NRG3: variants seen among roughly 807,000 people sequenced by gnomAD.
NRG3 encodes neuregulin 3.
NRG3 carries 31 observed loss-of-function variants against 66.9 expected under a neutral mutation model. That is an observed-to-expected ratio of 0.46 (90% CI 0.35 to 0.63). The LOEUF (loss-of-function observed/expected upper bound fraction) is 0.63. Among genes scored for constraint, NRG3 ranks in the 20% least tolerant of loss-of-function variants. NRG3 has a pLI of 0.00. For synonymous variants in NRG3, 393 were observed against 359.4 expected (o/e 1.09, Z -1.06); for missense variants, 910 against 878.9 (o/e 1.04, Z -0.45).
chr10:82,982,951 A>G (rs1853076064), intron 8 of NRG3, among the ~76,000 whole-genome samples: 1 of 152,338 alleles, frequency 6.6e-6, no homozygotes, highest in Admixed American at 6.5e-5. Context: ...GTCCTCTGGC[A>G]TATGAGAAGA....
At chr10:82,667,577 G>A (rs1014022190) in intron 2 of NRG3, among the ~76,000 whole-genome samples, 5 of 152,072 alleles carry the variant, frequency 3.3e-5, no homozygotes, top group South Asian at 2.1e-4. Flanking sequence ...AGATAATGAC[G>A]AAAGGAGAGG....
chr10:82,667,074 C>A (rs544203122), intron 2 of NRG3, among the ~76,000 whole-genome samples: 1 of 152,134 alleles, frequency 6.6e-6, no homozygotes, highest in Non-Finnish European at 1.5e-5. Flanking sequence ...CACAGCAGAG[C>A]GCCCCTGCCT....
intron 1 of NRG3, among the ~76,000 whole-genome samples, chr10:82,206,974 G>A (rs1406068310): frequency 2.0e-5 from 3 of 152,194 alleles, no homozygotes; most frequent in Admixed American, 6.5e-5. Flanking sequence ...CCCTTGTCTA[G>A]TTGACTGCTG....
At chr10:82,508,467 A>G (rs561415873) in intron 2 of NRG3, among the ~76,000 whole-genome samples, 10 of 152,238 alleles carry the variant, frequency 6.6e-5, no homozygotes, top group Non-Finnish European at 1.5e-4. Context: ...AATAGGCAAC[A>G]GCAATGAAAA....
Position 82,585,253 on chromosome 10 carries a change from G to C in NRG3, c.954-153324G>C, listed in dbSNP as rs139019234. On this transcript the variant is annotated intron_variant, in intron 2 of 8. Transcript: ENST00000372141. ...TTCAACAAGAATAATTAAAACTATG[G>C]AACATGAAAGATGGGTAATTAGTTA... is the stretch of plus-strand genomic sequence containing the variant. Among the ~76,000 whole-genome samples the C allele has an allele frequency of 3.0e-4, 46 of 151,968 alleles. 1 individual carries two copies. In the East Asian group the frequency reaches 8.7e-3, roughly 29 times the overall value.
At chr10:82,433,965 G>GT (rs1404485939) in intron 2 of NRG3, among the ~76,000 whole-genome samples, 6 of 152,104 alleles carry the variant, frequency 3.9e-5, no homozygotes, top group East Asian at 3.9e-4. Context: ...ATTTAACCTA[G>GT]TTTTTTCTAA....
At chr10:82,808,944 A>G (rs74144350) in intron 3 of NRG3, among the ~76,000 whole-genome samples, 2,163 of 152,284 alleles carry the variant, frequency 0.014, 54 homozygotes, top group African/African-American at 0.048. Context: ...TAGAGGTGCT[A>G]TTTGGCTTGA....
At chr10:82,263,255 A>T (rs2078125285) in intron 1 of NRG3, among the ~76,000 whole-genome samples, 1 of 152,128 alleles carries the variant, frequency 6.6e-6, no homozygotes, top group South Asian at 2.1e-4. Context: ...GATACAAGAT[A>T]GAGATGATTG....
At chr10:82,963,343 G>A (rs1564671629) in intron 6 of NRG3, among the ~76,000 whole-genome samples, 1 of 152,200 alleles carries the variant, frequency 6.6e-6, no homozygotes, top group Non-Finnish European at 1.5e-5. Context: ...TTACAAGTGG[G>A]TTTTTATAGG....
At chr10:82,755,443 C>T (rs2059038758) in intron 3 of NRG3, among the ~76,000 whole-genome samples, 1 of 152,076 alleles carries the variant, frequency 6.6e-6, no homozygotes, top group African/African-American at 2.4e-5. Flanking sequence ...CTCAGCCTCT[C>T]TGCCCAAAAA....
chr10:82,125,503 T>G (rs1052861360), intron 1 of NRG3, among the ~76,000 whole-genome samples: 2 of 152,038 alleles, frequency 1.3e-5, no homozygotes, highest in African/African-American at 4.8e-5. Context: ...TTTTGAAAAA[T>G]GATAACTAGC....
At chr10:82,611,939 G>A (rs1479139727) in intron 2 of NRG3, among the ~76,000 whole-genome samples, 1 of 152,088 alleles carries the variant, frequency 6.6e-6, no homozygotes, top group African/African-American at 2.4e-5. Flanking sequence ...TGTTGTTTCT[G>A]ACTTTTTAAC....
At chr10:82,513,954 T>G (rs1229402598) in intron 2 of NRG3, among the ~76,000 whole-genome samples, 3 of 152,148 alleles carry the variant, frequency 2.0e-5, no homozygotes, top group African/African-American at 4.8e-5. Flanking sequence ...TTGACCTTTT[T>G]TTCATATGTT....
Position 82,555,974 on chromosome 10 carries a change from T to G in NRG3, c.954-182603T>G, listed in dbSNP as rs540015335. ...ACCTCCTCTCTTCATTCTTCAACCA[T>G]TGCAACTTGGATTTCTCTCAGACCA... On this transcript the variant is annotated intron_variant, in intron 2 of 8. Coordinates refer to ENST00000372141, the MANE Select transcript of NRG3 (RefSeq NM_001010848.4). Among the ~76,000 whole-genome samples the G allele has an allele frequency of 8.5e-5, 13 of 152,270 alleles. 1 individual carries two copies. In the East Asian group the frequency reaches 2.5e-3, roughly 29 times the overall value.
At chr10:82,404,684 G>A (rs1386391463) in intron 2 of NRG3, among the ~76,000 whole-genome samples, 1 of 152,138 alleles carries the variant, frequency 6.6e-6, no homozygotes, top group South Asian at 2.1e-4. Flanking sequence ...TATTTGCTAA[G>A]GGATTAGTAA....
intron 1 of NRG3, among the ~76,000 whole-genome samples, chr10:82,101,270 G>T (rs898225251): frequency 3.3e-5 from 5 of 151,702 alleles, no homozygotes; most frequent in Non-Finnish European, 7.4e-5. Flanking sequence ...AGTTAAAGCA[G>T]CTTTTGATTT....
intron 1 of NRG3, among the ~76,000 whole-genome samples, chr10:82,207,412 C>G (rs2075173339): frequency 6.6e-6 from 1 of 152,050 alleles, no homozygotes; most frequent in Admixed American, 6.6e-5. Flanking sequence ...GATATAACTC[C>G]TTATGCATAA....
chr10:82,698,653 C>G (rs893004434), intron 2 of NRG3, among the ~76,000 whole-genome samples: 2 of 152,096 alleles, frequency 1.3e-5, no homozygotes, highest in African/African-American at 4.8e-5. Context: ...TGTTCTATTT[C>G]CTAAGCAACT....
intron 3 of NRG3, among the ~76,000 whole-genome samples, chr10:82,844,877 A>G (rs1473980291): frequency 5.3e-5 from 8 of 152,198 alleles, no homozygotes; most frequent in Admixed American, 2.6e-4. Context: ...TTCACAGGCC[A>G]GGAGTGGTTG....
Sources: gnomAD v4.1 joint callset for allele counts (sites outside exome capture counted in the v4.1 genomes callset) on GRCh38, gnomAD v4.1.1 for gene constraint, MANE v1.5 for transcripts, NCBI Gene and HGNC (gene_info 2026-07-23, HGNC 2026-07-21) for gene names.